ANP32B: variants seen among roughly 807,000 people sequenced by gnomAD.
The protein encoded by ANP32B is acidic nuclear phosphoprotein 32 family member B.
Under a neutral mutation model 32.2 loss-of-function variants are expected in ANP32B, and 6 were observed. That is an observed-to-expected ratio of 0.19 (90% CI 0.10 to 0.37). The LOEUF (loss-of-function observed/expected upper bound fraction) is 0.37, where lower values mean the gene tolerates loss of function less well. Among genes scored for constraint, ANP32B ranks in the 10% least tolerant of loss-of-function variants. ANP32B has a pLI of 1.00. For synonymous variants in ANP32B, 98 were observed against 105.8 expected (o/e 0.93, Z 0.45); for missense variants, 204 against 289.2 (o/e 0.71, Z 2.14).
At chr9:97,984,094 T>C (rs57298275) in intron 1 of ANP32B, among the ~76,000 whole-genome samples, 92,607 of 149,164 alleles carry the variant, frequency 0.62, 30,341 homozygotes, top group African/African-American at 0.82. Context: ...ACGGGGGCTC[T>C]TGTGGCCGGA....
chr9:97,984,223 C>T (rs923783936), intron 1 of ANP32B, among the ~76,000 whole-genome samples: 2 of 150,620 alleles, frequency 1.3e-5, no homozygotes, highest in Admixed American at 6.6e-5. Context: ...CGGGCGCGGC[C>T]CGGCGCGCGG....
Position 97,993,011 on chromosome 9 carries a change from T to C in ANP32B, c.55-1620T>C, listed in dbSNP as rs138997034. Among the ~76,000 whole-genome samples, 301 of 152,346 alleles carry C rather than the reference T, an allele frequency of 2.0e-3. 1 individual carries two copies. Among genetic ancestry groups the C allele is most frequent in the Admixed American group, 3.9e-3 (60 of 15,306 alleles). ...GAACCAGGATTCAACCCCCGGCATA[T>C]GTCTCCAGAGCCCAGCTTTTGTCAG... is the stretch of plus-strand genomic sequence containing the variant. On this transcript the variant is annotated intron_variant, in intron 1 of 6. Transcript: ENST00000339399.
chr9:97,984,172 G>C (rs1347533094), intron 1 of ANP32B, among the ~76,000 whole-genome samples: 1 of 150,276 alleles, frequency 6.7e-6, no homozygotes, highest in Non-Finnish European at 1.5e-5. Flanking sequence ...TTTTTCTTTT[G>C]AAGGGAGCGA....
chr9:97,989,651 C>G (rs1827791688), intron 1 of ANP32B, among the ~76,000 whole-genome samples: 1 of 152,122 alleles, frequency 6.6e-6, no homozygotes, highest in Non-Finnish European at 1.5e-5. Flanking sequence ...CTGGTTTATT[C>G]TGAATCTAGA....
intron 3 of ANP32B, among the ~76,000 whole-genome samples, chr9:98,001,608 C>G (rs7850685): frequency 0.25 from 37,868 of 151,974 alleles, 5,175 homozygotes; most frequent in South Asian, 0.49. Flanking sequence ...TTATCAGAAG[C>G]CTTTTTCAGT....
chr9:97,990,986 A>G (rs1827816465), intron 1 of ANP32B, among the ~76,000 whole-genome samples: 1 of 151,696 alleles, frequency 6.6e-6, no homozygotes, highest in African/African-American at 2.4e-5. Context: ...TGCCCGGCAC[A>G]TTTTTTTGTA....
At chr9:98,003,579 C>A (rs897262026) in intron 3 of ANP32B, among the ~76,000 whole-genome samples, 1 of 152,156 alleles carries the variant, frequency 6.6e-6, no homozygotes, top group African/African-American at 2.4e-5. Flanking sequence ...AGCCTTGAGG[C>A]AGATTTTCAC....
chr9:97,984,209 T>A (rs1374676974), intron 1 of ANP32B, among the ~76,000 whole-genome samples: 1 of 146,686 alleles, frequency 6.8e-6, no homozygotes, highest in Non-Finnish European at 1.5e-5. Context: ...CCTGGAGGCC[T>A]GGGCGGGCGC....
intron 4 of ANP32B, among the ~76,000 whole-genome samples, chr9:98,006,218 G>C (rs1388696100): frequency 6.6e-6 from 1 of 152,122 alleles, no homozygotes; most frequent in African/African-American, 2.4e-5. Context: ...ATTGCTTGCA[G>C]ACTCATCAAC....
intron 1 of ANP32B, among the ~76,000 whole-genome samples, chr9:97,987,117 A>C (rs1217324083): frequency 6.6e-6 from 1 of 152,198 alleles, no homozygotes; most frequent in Non-Finnish European, 1.5e-5. Context: ...TATTCCTTAT[A>C]AACACAAGTA....
chr9:97,998,682 A>G lies in ANP32B; in HGVS notation c.327+4A>G, dbSNP rs1303514208. The G allele has an allele frequency of 1.2e-5, 19 of 1,560,120 alleles. No individual in the cohort carries two copies. The highest frequency in any genetic ancestry group is 2.4e-5 in the East Asian group (1 of 41,392). On this transcript the variant is annotated splice_donor_region_variant and intron_variant, in intron 3 of 6. Transcript: ENST00000339399. Reference sequence around the variant, plus strand: ...TATCAGCACCTTGGAACCTTTGGTAAGTAACTGAGAATTTGGAAACTGGAA... The same window carrying G: ...TATCAGCACCTTGGAACCTTTGGTAGGTAACTGAGAATTTGGAAACTGGAA...
intron 3 of ANP32B, 66 bp downstream of exon 3, chr9:97,998,744 T>C: frequency 7.9e-7 from 1 of 1,265,260 alleles, no homozygotes; most frequent in Non-Finnish European, 1.0e-6. Flanking sequence ...TTCTTTATAG[T>C]GGGGGAAATT....
At chr9:97,983,736 C>T in intron 1 of ANP32B, 127 bp downstream of exon 1, 2 of 656,214 alleles carry the variant, frequency 3.0e-6, no homozygotes, top group South Asian at 5.6e-5. Context: ...TGGGCTCGGA[C>T]GGGGAAGGCG....
chr9:97,998,248 C>CT (rs1827935386), intron 2 of ANP32B, among the ~76,000 whole-genome samples: 1 of 152,224 alleles, frequency 6.6e-6, no homozygotes, highest in African/African-American at 2.4e-5. Flanking sequence ...GGTATTACAA[C>CT]TTGTCAAAGG....
At chr9:98,013,381 G>A (rs550158015) in intron 6 of ANP32B, among the ~76,000 whole-genome samples, 2 of 152,264 alleles carry the variant, frequency 1.3e-5, no homozygotes, top group South Asian at 4.1e-4. Context: ...TTACTGTCAA[G>A]TGTGAGTTTC....
intron 1 of ANP32B, chr9:97,986,507 C>T (rs560891148): frequency 1.4e-4 from 21 of 152,200 alleles, no homozygotes; most frequent in African/African-American, 2.2e-4. Context: ...AAGGGTTTTT[C>T]AGGAAAAAAT....
intron 6 of ANP32B, among the ~76,000 whole-genome samples, chr9:98,012,708 TG>T (rs1416009583): frequency 1.3e-5 from 2 of 152,158 alleles, no homozygotes; most frequent in Non-Finnish European, 2.9e-5. Context: ...TCAGTCCTCA[TG>T]GGGTTTTTTT....
chr9:97,984,617 C>G (rs1487172801), intron 1 of ANP32B: 1 of 150,820 alleles, frequency 6.6e-6, no homozygotes, highest in Non-Finnish European at 1.5e-5. Flanking sequence ...GCCTGGTGAG[C>G]CGGCCCACGA....
intron 1 of ANP32B, among the ~76,000 whole-genome samples, chr9:97,988,750 G>A (rs1827778403): frequency 6.6e-6 from 1 of 152,000 alleles, no homozygotes; most frequent in Non-Finnish European, 1.5e-5. Flanking sequence ...ATAATAAAAA[G>A]TTCTATTAAT....
Sources: gnomAD v4.1 joint callset for allele counts (sites outside exome capture counted in the v4.1 genomes callset) on GRCh38, gnomAD v4.1.1 for gene constraint, MANE v1.5 for transcripts, NCBI Gene and HGNC (gene_info 2026-07-23, HGNC 2026-07-21) for gene names.